ZMIZ1: variants seen among roughly 807,000 people sequenced by gnomAD.
The protein encoded by ZMIZ1 is zinc finger MIZ-type containing 1.
A neutral mutation model predicts 113.9 loss-of-function variants in ZMIZ1; 17 were observed. The ratio of observed to expected loss-of-function variants is 0.15; its 90% CI spans 0.10 to 0.22. The LOEUF is 0.22. Among genes scored for constraint, ZMIZ1 ranks in the 10% least tolerant of loss-of-function variants. ZMIZ1 has a pLI of 1.00. For synonymous variants in ZMIZ1, 607 were observed against 603.1 expected (o/e 1.01, Z -0.09); for missense variants, 1,059 against 1,477.8 (o/e 0.72, Z 4.65).
Position 79,311,232 on chromosome 10 carries a change from C to T in ZMIZ1, c.3096+48C>T, listed in dbSNP as rs1243808646. ...CTTGGCCTGGGGCTAGGCCTGGCGC[C>T]GGGACCTGCCCGAGAGAAGGGGTGG... is the stretch of plus-strand genomic sequence containing the variant. On this transcript the variant is annotated intron_variant, in intron 24 of 24. Transcript: ENST00000334512. The T allele has an allele frequency of 5.4e-6, 7 of 1,287,590 alleles. No individual in the cohort carries two copies. The African/African-American group carries it at 6.4e-5, about 12-fold the overall frequency. The allele number at this position is 1,287,590 out of a possible 1,614,324, so 79.8% of individuals were successfully genotyped here.
At chr10:79,073,201 A>G (rs1411655092) in intron 1 of ZMIZ1, among the ~76,000 whole-genome samples, 2 of 152,074 alleles carry the variant, frequency 1.3e-5, no homozygotes, top group East Asian at 3.9e-4. Flanking sequence ...TGATCTGTAA[A>G]ATGGGTCTGA....
chr10:79,096,469 G>A lies in ZMIZ1; in HGVS notation c.-336-22446G>A, dbSNP rs1250010. Among the ~76,000 whole-genome samples, 659 of 152,214 alleles carry A rather than the reference G, an allele frequency of 4.3e-3. 6 individuals carry two copies. The highest frequency in any genetic ancestry group is 6.9e-3 in the Non-Finnish European group (466 of 68,008). Reference sequence around the variant, plus strand: ...GGAGCTTGCAGTGAGCCGAGATTGCGCCACTGCACTCCAGCCTGGGCGACA... The same window carrying A: ...GGAGCTTGCAGTGAGCCGAGATTGCACCACTGCACTCCAGCCTGGGCGACA... On this transcript the variant is annotated intron_variant, in intron 1 of 24. Transcript: ENST00000334512.
intron 22 of ZMIZ1, 80 bp downstream of exon 22, chr10:79,306,424 T>C (rs1787468170): frequency 6.4e-7 from 1 of 1,563,424 alleles, no homozygotes; most frequent in Non-Finnish European, 8.6e-7. Context: ...TCTGTGCTGA[T>C]GGTGGCAGGG....
rs535381644 is a variant in ZMIZ1, at chr10:79,302,232, G to C, written c.2125+20G>C. 3 of 1,609,092 alleles carry C rather than the reference G, an allele frequency of 1.9e-6. No individual in the cohort carries two copies. The highest frequency in any genetic ancestry group is 2.2e-5 in the East Asian group (1 of 44,858). ...CGAAAAGTGAGTCAGGGTGGGGACGGGGGTGAGGGCCAGACTCCATCCCCG... is the reference window on the plus strand; with the variant it reads ...CGAAAAGTGAGTCAGGGTGGGGACGCGGGTGAGGGCCAGACTCCATCCCCG... On this transcript the variant is annotated intron_variant, in intron 18 of 24. Coordinates refer to ENST00000334512, the MANE Select transcript of ZMIZ1 (RefSeq NM_020338.4).
chr10:79,228,649 G>T (rs1243947058), intron 7 of ZMIZ1, among the ~76,000 whole-genome samples: 1 of 152,268 alleles, frequency 6.6e-6, no homozygotes, highest in Non-Finnish European at 1.5e-5. Context: ...GGAGGTGAGG[G>T]TTCAGGCCCT....
chr10:79,207,594 C>T (rs1339747558), intron 5 of ZMIZ1, among the ~76,000 whole-genome samples: 4 of 152,152 alleles, frequency 2.6e-5, no homozygotes, highest in Non-Finnish European at 2.9e-5. Flanking sequence ...CAGTCTCCAT[C>T]GACTCAGACT....
intron 6 of ZMIZ1, among the ~76,000 whole-genome samples, chr10:79,209,670 A>G (rs979450593): frequency 1.3e-5 from 2 of 152,366 alleles, no homozygotes; most frequent in East Asian, 1.9e-4. Flanking sequence ...CAACACGGCT[A>G]TCGTGACAAA....
Position 79,188,332 on chromosome 10 carries a change from T to C in ZMIZ1, c.-49-13252T>C, listed in dbSNP as rs146929491. On this transcript the variant is annotated intron_variant, in intron 4 of 24. Coordinates refer to ENST00000334512, the MANE Select transcript of ZMIZ1 (RefSeq NM_020338.4). Reference sequence around the variant, plus strand: ...GGTCATCTCCGCCTCAGGCAGCTCATGTGACCTTCCTACTCTGGCCTTTGC... The same window carrying C: ...GGTCATCTCCGCCTCAGGCAGCTCACGTGACCTTCCTACTCTGGCCTTTGC... Among the ~76,000 whole-genome samples the C allele has an allele frequency of 9.2e-5, 14 of 152,244 alleles. No homozygotes were observed. In the East Asian group the frequency reaches 1.4e-3, roughly 15 times the overall value.
chr10:79,100,093 C>G (rs900936176), intron 1 of ZMIZ1, among the ~76,000 whole-genome samples: 1 of 152,078 alleles, frequency 6.6e-6, no homozygotes, highest in Non-Finnish European at 1.5e-5. Flanking sequence ...GGTCCTGGCC[C>G]AACCCCAGGA....
chr10:79,305,457 C>T, intron 20 of ZMIZ1, 76 bp from the exon 21 acceptor site: 3 of 1,521,886 alleles, frequency 2.0e-6, no homozygotes, highest in Non-Finnish European at 2.7e-6. Flanking sequence ...ACCCCACTGA[C>T]ACTGAGGTGG....
intron 4 of ZMIZ1, among the ~76,000 whole-genome samples, chr10:79,172,790 A>T (rs1256261669): frequency 1.3e-5 from 2 of 152,196 alleles, no homozygotes; most frequent in Non-Finnish European, 2.9e-5. Flanking sequence ...TCCATTATCA[A>T]ACTTTACACA....
rs575925651 is a variant in ZMIZ1 at position 79,118,556 on chromosome 10, G to A, written c.-336-359G>A. Among the ~76,000 whole-genome samples the A allele has an allele frequency of 6.6e-6, 1 of 152,334 alleles. No homozygotes were observed. The highest frequency in any genetic ancestry group is 6.5e-5 in the Admixed American group (1 of 15,312). ...GGGCCCTTGAAAGACAGAGAAGTGG[G>A]GAGAAGAGCTCTGAGCGGGGCACCC... On this transcript the variant is annotated intron_variant, in intron 1 of 24. Coordinates refer to ENST00000334512, the MANE Select transcript of ZMIZ1 (RefSeq NM_020338.4). This position sits in a 1 kb window ranked among gnomAD's most constrained non-coding sequence, Gnocchi z 4.1.
rs2132094746 is a variant in ZMIZ1 at position 79,307,588 on chromosome 10, C to T, written c.2835+17C>T. 1.9e-6 allele frequency: 3 copies of T among 1,607,144 alleles called. No homozygotes were observed. Among genetic ancestry groups the T allele is most frequent in the Non-Finnish European group, 2.5e-6 (3 of 1,177,390 alleles). ...CAGGAAACTGTGAGTACCTCCTCCT[C>T]ACCCCATTCCATTCCCCAGCCTTTG... On this transcript the variant is annotated intron_variant, in intron 23 of 24. Coordinates refer to ENST00000334512, the MANE Select transcript of ZMIZ1 (RefSeq NM_020338.4).
intron 4 of ZMIZ1, among the ~76,000 whole-genome samples, chr10:79,195,264 A>G (rs1233393263): frequency 6.6e-6 from 1 of 152,238 alleles, no homozygotes; most frequent in Non-Finnish European, 1.5e-5. Context: ...AGCGAAATGG[A>G]GGTCCAGCTC....
intron 7 of ZMIZ1, among the ~76,000 whole-genome samples, chr10:79,259,989 G>T (rs1851166986): frequency 6.6e-6 from 1 of 152,202 alleles, no homozygotes; most frequent in Non-Finnish European, 1.5e-5. Flanking sequence ...GTTGGTCTGT[G>T]GTGTGAGGTA....
chr10:79,201,429 C>A (rs1848074141), intron 4 of ZMIZ1, among the ~76,000 whole-genome samples, 155 bp from the exon 5 acceptor site: 1 of 152,244 alleles, frequency 6.6e-6, no homozygotes, highest in Non-Finnish European at 1.5e-5. Context: ...GCATTTCCTG[C>A]CCTCAGCCCA....
chr10:79,202,961 T>C (rs1439504942), intron 5 of ZMIZ1, among the ~76,000 whole-genome samples: 1 of 152,220 alleles, frequency 6.6e-6, no homozygotes, highest in Non-Finnish European at 1.5e-5. Context: ...CCTCGTAGGA[T>C]GCTGTGAGGA....
chr10:79,184,341 G>A lies in ZMIZ1; in HGVS notation c.-49-17243G>A, dbSNP rs146939587. On this transcript the variant is annotated intron_variant, in intron 4 of 24. Transcript: ENST00000334512. Reference sequence around the variant, plus strand: ...TTGTGAGCTGTGAGCGTGAGAATAGGCCTTGGAGACTGGCAGGTGTGACTC... The same window carrying A: ...TTGTGAGCTGTGAGCGTGAGAATAGACCTTGGAGACTGGCAGGTGTGACTC... Among the ~76,000 whole-genome samples the A allele has an allele frequency of 6.3e-3, 958 of 152,308 alleles. 8 individuals carry two copies. The highest frequency in any genetic ancestry group is 0.018 in the East Asian group (93 of 5,178).
chr10:79,270,918 A>C (rs561359857), intron 7 of ZMIZ1, among the ~76,000 whole-genome samples: 2 of 152,142 alleles, frequency 1.3e-5, no homozygotes, highest in Non-Finnish European at 2.9e-5. Flanking sequence ...TGGGAGTCCC[A>C]TGGGGTGTCC....
Sources: gnomAD v4.1 joint callset for allele counts (sites outside exome capture counted in the v4.1 genomes callset) on GRCh38, gnomAD v4.1.1 for gene constraint, Gnocchi (gnomAD v3.1) non-coding constraint, MANE v1.5 for transcripts, NCBI Gene and HGNC (gene_info 2026-07-23, HGNC 2026-07-21) for gene names.